Variants in DPP6 observed in about 807,000 individuals in gnomAD.
The protein encoded by DPP6 is dipeptidyl peptidase like 6, also known as A-type potassium channel modulatory protein DPP6.
Under a neutral mutation model 122.6 loss-of-function variants are expected in DPP6, and 69 were observed. The ratio of observed to expected loss-of-function variants is 0.56; its 90% CI spans 0.46 to 0.69. The LOEUF (loss-of-function observed/expected upper bound fraction) is 0.69. Among genes scored for constraint, DPP6 ranks in the 30% least tolerant of loss-of-function variants. The pLI, the probability that DPP6 is intolerant of heterozygous loss-of-function variation, is 0.00. For missense variants in DPP6, 928 were observed against 1,116.9 expected, an observed-to-expected ratio of 0.83 and a Z score of 2.41; for synonymous variants, 418 against 433.1, an observed-to-expected ratio of 0.97 and a Z score of 0.43.
chr7:154,413,870 T>C (rs1816810457), intron 1 of DPP6, among the ~76,000 whole-genome samples: 1 of 152,212 alleles, frequency 6.6e-6, no homozygotes, highest in African/African-American at 2.4e-5. Context: ...AATTTGCTTT[T>C]TCATGAAAAG....
the DPP6 span, among the ~76,000 whole-genome samples, chr7:153,771,739 C>G: frequency 6.6e-6 from 1 of 152,080 alleles, no homozygotes; most frequent in African/African-American, 2.4e-5. Flanking sequence ...GAAATAAAGA[C>G]TTTGTTAGAC....
chr7:154,059,860 C>T (rs1476606825), intron 1 of DPP6, among the ~76,000 whole-genome samples: 1 of 151,114 alleles, frequency 6.6e-6, no homozygotes, highest in Admixed American at 6.6e-5. Context: ...AAGGATGGCC[C>T]CCCTATTTGA....
At chr7:154,680,646 C>A (rs7786686) in intron 7 of DPP6, among the ~76,000 whole-genome samples, 24,433 of 151,662 alleles carry the variant, frequency 0.16, 2,106 homozygotes, top group East Asian at 0.34. Context: ...CTTTTTTCCC[C>A]CTTCTAAAAC....
chr7:154,091,584 G>A (rs1044165446), intron 1 of DPP6, among the ~76,000 whole-genome samples: 3 of 151,994 alleles, frequency 2.0e-5, no homozygotes, highest in Non-Finnish European at 2.9e-5. Context: ...TATAACAATG[G>A]CAGTTTTTTG....
intron 7 of DPP6, among the ~76,000 whole-genome samples, chr7:154,716,539 G>A (rs910427803): frequency 2.0e-5 from 3 of 152,152 alleles, no homozygotes; most frequent in Admixed American, 6.5e-5. Context: ...CCCAGCTATA[G>A]TTTACTGCCC....
intron 9 of DPP6, 101 bp downstream of exon 9, chr7:154,769,672 A>G (rs1796129962): frequency 1.5e-6 from 2 of 1,361,874 alleles, no homozygotes; most frequent in Non-Finnish European, 1.9e-6. Context: ...CATGTGTATG[A>G]GCAAAGCAGT....
Position 154,171,560 on chromosome 7 carries a change from C to A in DPP6, c.243+118497C>A, listed in dbSNP as rs544654102. Among the ~76,000 whole-genome samples, 15 of 152,264 alleles carry A rather than the reference C, an allele frequency of 9.9e-5. No individual in the cohort carries two copies. In the South Asian group the frequency reaches 3.1e-3, roughly 32 times the overall value. On this transcript the variant is annotated intron_variant, in intron 1 of 25. Coordinates refer to ENST00000377770, the MANE Select transcript of DPP6 (RefSeq NM_130797.4). ...GAGTTTCAAGAACTTGTCTACAAATCCACTTCAAGGGCTCACATGCAAATC... is the reference window on the plus strand; with the variant it reads ...GAGTTTCAAGAACTTGTCTACAAATACACTTCAAGGGCTCACATGCAAATC...
chr7:154,269,854 A>G lies in DPP6; in HGVS notation c.244-176360A>G, dbSNP rs1039806429. On this transcript the variant is annotated intron_variant, in intron 1 of 25. Coordinates refer to ENST00000377770, the MANE Select transcript of DPP6 (RefSeq NM_130797.4). ...CATTGTCATTAAGGAAATGTGATGT[A>G]TAAGAAAAACAGTAAAGTATAGCTG... 2.6e-5 allele frequency among the ~76,000 whole-genome samples: 4 copies of G among 152,228 alleles called. No homozygotes were observed. The South Asian group carries it at 8.3e-4, about 32-fold the overall frequency.
chr7:154,538,511 G>A (rs1042966749), intron 3 of DPP6, among the ~76,000 whole-genome samples: 1 of 152,112 alleles, frequency 6.6e-6, no homozygotes, highest in Non-Finnish European at 1.5e-5. Context: ...CAGTAATGTG[G>A]GGGCGGGGTA....
At chr7:154,562,529 A>T (rs1044863578) in intron 4 of DPP6, among the ~76,000 whole-genome samples, 1 of 152,166 alleles carries the variant, frequency 6.6e-6, no homozygotes, top group Non-Finnish European at 1.5e-5. Context: ...CCTCAAGATT[A>T]GGGAAAAAAG....
intron 1 of DPP6, among the ~76,000 whole-genome samples, chr7:154,221,746 A>T (rs1471735636): frequency 6.6e-6 from 1 of 152,156 alleles, no homozygotes; most frequent in Non-Finnish European, 1.5e-5. Context: ...GAAGCTGGCT[A>T]TGTGAAGGCA....
At chr7:154,708,166 C>G (rs537278791) in intron 7 of DPP6, among the ~76,000 whole-genome samples, 2 of 152,306 alleles carry the variant, frequency 1.3e-5, no homozygotes, top group South Asian at 4.1e-4. Flanking sequence ...AGGACTACTT[C>G]CATGGGAAAA....
chr7:154,527,476 T>C (rs577195761), intron 3 of DPP6, among the ~76,000 whole-genome samples: 29 of 152,240 alleles, frequency 1.9e-4, no homozygotes, highest in Non-Finnish European at 4.0e-4. Context: ...TCTTAAGATA[T>C]GTGTATGTTG....
At chr7:154,638,837 C>T (rs1835889367) in intron 6 of DPP6, among the ~76,000 whole-genome samples, 2 of 152,202 alleles carry the variant, frequency 1.3e-5, no homozygotes, top group South Asian at 4.1e-4. Flanking sequence ...CTCCCCTATT[C>T]TCATTCCCTT....
intron 1 of DPP6, among the ~76,000 whole-genome samples, chr7:154,003,447 A>T (rs1316487059): frequency 6.6e-6 from 1 of 152,222 alleles, no homozygotes; most frequent in Non-Finnish European, 1.5e-5. Context: ...CATTTGATAA[A>T]AGCTGAGCGT....
chr7:154,304,576 CCT>C (rs373376579), intron 1 of DPP6, among the ~76,000 whole-genome samples: 3 of 149,380 alleles, frequency 2.0e-5, no homozygotes, highest in African/African-American at 4.9e-5. Context: ...TTTTTTTTTT[CCT>C]CTCTCTCTCT....
intron 1 of DPP6, among the ~76,000 whole-genome samples, chr7:154,378,024 G>A (rs1813279466): frequency 6.6e-6 from 1 of 152,176 alleles, no homozygotes; most frequent in Non-Finnish European, 1.5e-5. Context: ...TAATAGAAGT[G>A]TGTCCTGTGT....
chr7:154,171,327 G>T (rs528098905), intron 1 of DPP6, among the ~76,000 whole-genome samples: 5 of 152,294 alleles, frequency 3.3e-5, no homozygotes, highest in African/African-American at 1.2e-4. Context: ...AGCAGGGATT[G>T]TCTGTTCTGT....
chr7:154,728,907 A>G (rs953942042), intron 8 of DPP6, among the ~76,000 whole-genome samples: 1 of 152,216 alleles, frequency 6.6e-6, no homozygotes, highest in African/African-American at 2.4e-5. Flanking sequence ...CAACACCCTC[A>G]TAACCTCATC....
Sources: gnomAD v4.1 joint callset for allele counts (sites outside exome capture counted in the v4.1 genomes callset) on GRCh38, gnomAD v4.1.1 for gene constraint, MANE v1.5 for transcripts, NCBI Gene and HGNC (gene_info 2026-07-23, HGNC 2026-07-21) for gene names.